The following CRACD variants were observed in gnomAD, a reference collection of about 807,000 sequenced individuals.
The protein encoded by CRACD is capping protein inhibiting regulator of actin dynamics.
A neutral mutation model predicts 106.8 loss-of-function variants in CRACD; 56 were observed. That is an observed-to-expected ratio of 0.52 (90% CI 0.42 to 0.66). The LOEUF is 0.66. Ranked by LOEUF, CRACD falls within the 30% of genes least tolerant of loss-of-function variation. The pLI is 0.00. For missense variants in CRACD, 1,730 were observed against 1,623.2 expected, an observed-to-expected ratio of 1.07 and a Z score of -1.13; for synonymous variants, 754 against 670.8, an observed-to-expected ratio of 1.12 and a Z score of -1.92.
intron 6 of CRACD, chr4:56,310,950 T>C (rs1190344655): frequency 1.7e-5 from 9 of 539,118 alleles, no homozygotes; most frequent in Non-Finnish European, 3.0e-5. Context: ...CTCTGAAAAC[T>C]AGCCATACTC....
Position 56,296,454 on chromosome 4 carries a change from T to C in CRACD, c.-16-1760T>C, listed in dbSNP as rs73817481. On this transcript the variant is annotated intron_variant, in intron 3 of 10. Transcript: ENST00000682029. ...GTAAACCTCGCACACTTTTACACCG[T>C]GCTGCCTGTAATTTAGCAAACTAGA... Among the ~76,000 whole-genome samples the C allele has an allele frequency of 8.2e-3, 1,253 of 152,264 alleles. 15 individuals carry two copies. The highest frequency in any genetic ancestry group is 0.029 in the African/African-American group (1,203 of 41,542).
At chr4:56,148,404 C>G (rs1172528113) in intron 1 of CRACD, among the ~76,000 whole-genome samples, 7 of 152,130 alleles carry the variant, frequency 4.6e-5, no homozygotes, top group Non-Finnish European at 7.4e-5. Flanking sequence ...GATCCTCCCA[C>G]CTCAGCCTCC....
intron 1 of CRACD, among the ~76,000 whole-genome samples, chr4:56,059,859 T>C (rs1732212362): frequency 6.6e-6 from 1 of 152,124 alleles, no homozygotes; most frequent in African/African-American, 2.4e-5. Flanking sequence ...AATTTTTGTA[T>C]TTTTAGTAGA....
At chr4:56,288,425 T>C (rs1023798423) in intron 3 of CRACD, 2 of 167,602 alleles carry the variant, frequency 1.2e-5, no homozygotes, top group Non-Finnish European at 2.6e-5. Flanking sequence ...GTCCCTAATG[T>C]CTGTGTGTTC....
At chr4:56,125,628 G>A (rs970805097) in intron 1 of CRACD, among the ~76,000 whole-genome samples, 2 of 151,976 alleles carry the variant, frequency 1.3e-5, no homozygotes, top group African/African-American at 2.4e-5. Flanking sequence ...TGTTGTCCAG[G>A]TTTGTCTTGC....
intron 1 of CRACD, among the ~76,000 whole-genome samples, chr4:56,110,311 T>A (rs1400066466): frequency 6.6e-6 from 1 of 152,172 alleles, no homozygotes; most frequent in Admixed American, 6.5e-5. Flanking sequence ...TTTCACATAT[T>A]CAGGGCCTCA....
rs527353841 is a variant in CRACD at position 56,088,262 on chromosome 4, G to GTT, written c.-336+38964_-336+38965insTT. On this transcript the variant is annotated intron_variant, in intron 1 of 10. Coordinates refer to ENST00000682029, the MANE Select transcript of CRACD (RefSeq NM_001393381.1). Reference sequence around the variant, plus strand: ...TAATTTTGTCACCCTAGTAAATAGCGTAATACCTGATAGGTAGTTTTTTCA... The same window carrying GTT: ...TAATTTTGTCACCCTAGTAAATAGCGTTTAATACCTGATAGGTAGTTTTTTCA... Among the ~76,000 whole-genome samples the GTT allele has an allele frequency of 1.1e-4, 17 of 151,894 alleles. No individual in the cohort carries two copies. In the South Asian group the frequency reaches 3.5e-3, roughly 32 times the overall value.
chr4:56,144,243 C>A (rs1735303324), intron 1 of CRACD, among the ~76,000 whole-genome samples: 1 of 152,124 alleles, frequency 6.6e-6, no homozygotes, highest in Non-Finnish European at 1.5e-5. Context: ...TTCCCAGAGA[C>A]CAGAACTTCC....
chr4:56,104,601 C>T (rs956504507), intron 1 of CRACD, among the ~76,000 whole-genome samples: 13 of 152,172 alleles, frequency 8.5e-5, no homozygotes, highest in Non-Finnish European at 1.5e-4. Flanking sequence ...GGGAACTGCA[C>T]GTTCCCAGTG....
intron 2 of CRACD, among the ~76,000 whole-genome samples, chr4:56,192,842 T>C (rs925360574): frequency 4.3e-4 from 66 of 152,300 alleles, no homozygotes; most frequent in African/African-American, 1.5e-3. Context: ...TCCACATAGA[T>C]TCATGATACC....
chr4:56,185,743 T>G (rs1233780500), intron 2 of CRACD, among the ~76,000 whole-genome samples: 2 of 152,178 alleles, frequency 1.3e-5, no homozygotes, highest in East Asian at 3.9e-4. Flanking sequence ...ACCATGGGGC[T>G]CAATCCCCTT....
chr4:56,244,641 C>G (rs1005353990), intron 2 of CRACD, among the ~76,000 whole-genome samples: 1 of 152,200 alleles, frequency 6.6e-6, no homozygotes, highest in Non-Finnish European at 1.5e-5. Flanking sequence ...ACGTGCGTCC[C>G]ATTTCCCACA....
At chr4:56,186,886 A>C (rs1371621820) in intron 2 of CRACD, among the ~76,000 whole-genome samples, 2 of 152,068 alleles carry the variant, frequency 1.3e-5, no homozygotes, top group African/African-American at 2.4e-5. Context: ...ACATAGTGAG[A>C]CCTCATCTCT....
intron 1 of CRACD, among the ~76,000 whole-genome samples, chr4:56,158,916 T>C (rs1230147622): frequency 6.6e-6 from 1 of 152,240 alleles, no homozygotes; most frequent in Non-Finnish European, 1.5e-5. Context: ...TTGAATGCTC[T>C]TTTCTCCTTT....
At chr4:56,223,183 C>A (rs1243076527) in intron 2 of CRACD, among the ~76,000 whole-genome samples, 4 of 151,244 alleles carry the variant, frequency 2.6e-5, no homozygotes, top group Non-Finnish European at 4.4e-5. Flanking sequence ...TCTTTTTAAA[C>A]CACAGGTTCA....
rs990463598 is a variant in CRACD, at chr4:56,079,713, G to T, written c.-336+30414G>T. Among the ~76,000 whole-genome samples the T allele has an allele frequency of 3.3e-5, 5 of 152,260 alleles. No homozygotes were observed. The East Asian group carries it at 9.7e-4, about 29-fold the overall frequency. ...ACCCACCCAATCTCAGCCTCCCAAA[G>T]TGCCAAAGTGCAGGCATGAGCCACT... On this transcript the variant is annotated intron_variant, in intron 1 of 10. Coordinates refer to ENST00000682029, the MANE Select transcript of CRACD (RefSeq NM_001393381.1).
chr4:56,245,194 A>C (rs1220329662), intron 2 of CRACD, among the ~76,000 whole-genome samples: 1 of 152,212 alleles, frequency 6.6e-6, no homozygotes, highest in Non-Finnish European at 1.5e-5. Flanking sequence ...GGAATATATT[A>C]CATTATCTTA....
chr4:56,279,379 A>C (rs958702913), intron 3 of CRACD, among the ~76,000 whole-genome samples: 20 of 152,196 alleles, frequency 1.3e-4, no homozygotes, highest in African/African-American at 4.8e-4. Context: ...CATGGGAGAA[A>C]ATTTTTGCAA....
chr4:56,284,074 G>A (rs1172935459), intron 3 of CRACD, among the ~76,000 whole-genome samples: 1 of 152,032 alleles, frequency 6.6e-6, no homozygotes, highest in Non-Finnish European at 1.5e-5. Context: ...TAACACATCT[G>A]CCTCACGCTT....
Sources: allele counts gnomAD v4.1 joint callset (sites outside exome capture counted in the v4.1 genomes callset), GRCh38; gene constraint gnomAD v4.1.1; transcripts MANE v1.5; gene names NCBI Gene and HGNC (gene_info 2026-07-23, HGNC 2026-07-21).